Variants in FMN1 observed in about 807,000 individuals in gnomAD.
FMN1 encodes the protein formin 1.
A neutral mutation model predicts 132.4 loss-of-function variants in FMN1; 110 were observed. That is an observed-to-expected ratio of 0.83 (90% CI 0.71 to 0.97). The LOEUF (loss-of-function observed/expected upper bound fraction) is 0.97, where lower values mean the gene tolerates loss of function less well. Ranked by LOEUF, FMN1 falls within the 50% of genes least tolerant of loss-of-function variation. The pLI, the probability that FMN1 is intolerant of heterozygous loss-of-function variation, is 0.00. For synonymous variants in FMN1, 722 were observed against 651.7 expected (o/e 1.11, Z -1.64); for missense variants, 1,792 against 1,705.3 (o/e 1.05, Z -0.90).
intron 4 of FMN1, among the ~76,000 whole-genome samples, chr15:33,098,065 AT>A (rs1467901181): frequency 1.1e-4 from 17 of 152,248 alleles, no homozygotes; most frequent in African/African-American, 4.1e-4. Context: ...ATTGGCTACA[AT>A]GGAATTAAAT....
rs1246639927 is a variant in FMN1 at position 32,766,035 on chromosome 15, A to C, written c.*8275T>G. 6.6e-6 allele frequency: 1 copy of C among 152,212 alleles called. No homozygotes were observed. The highest frequency in any genetic ancestry group is 2.4e-5 in the African/African-American group (1 of 41,448). The allele number at this position is 152,212 out of a possible 1,614,324, so 9.4% of individuals were successfully genotyped here. ...AGCTTATTATGCTTAAAAATATCCC[A>C]AGAGCGTGTAAGGTTTCATGTCTTT... On this transcript the variant is annotated 3_prime_UTR_variant, in exon 21 of 21. Coordinates refer to ENST00000616417, the MANE Select transcript of FMN1 (RefSeq NM_001277313.2).
At chr15:32,797,755 T>TAA (rs899912741) in intron 19 of FMN1, among the ~76,000 whole-genome samples, 2 of 152,140 alleles carry the variant, frequency 1.3e-5, no homozygotes. Flanking sequence ...AGAAAATACT[T>TAA]AGAGACTAAT....
At position 32,770,548 on chromosome 15, in the gene FMN1, ATATTT is replaced by A. The variant is rs2056198884; in HGVS notation, c.*3757_*3761del. ...TACTGGAGGTGTTAATACCACCAACATATTTTATTCCTTCCTTCAGTTTTTCCAGT... is the reference window on the plus strand; with the variant it reads ...TACTGGAGGTGTTAATACCACCAACATATTCCTTCCTTCAGTTTTTCCAGT... On this transcript the variant is annotated 3_prime_UTR_variant, in exon 21 of 21. Transcript: ENST00000616417. 6.6e-6 allele frequency: 1 copy of A among 152,256 alleles called. No homozygotes were observed. The highest frequency in any genetic ancestry group is 2.4e-5 in the African/African-American group (1 of 41,468). 9.4% of individuals were successfully genotyped at this position (152,256 alleles called of 1,614,324 possible).
intron 9 of FMN1, among the ~76,000 whole-genome samples, chr15:32,942,741 T>A (rs1454948502): frequency 6.6e-6 from 1 of 152,168 alleles, no homozygotes; most frequent in Non-Finnish European, 1.5e-5. Flanking sequence ...AGGGTTTCCA[T>A]CTCCAGCACA....
At chr15:32,932,255 C>T (rs2061139479) in intron 9 of FMN1, among the ~76,000 whole-genome samples, 2 of 152,122 alleles carry the variant, frequency 1.3e-5, no homozygotes, top group African/African-American at 4.8e-5. Context: ...AAAAAATTAG[C>T]TGTGCATGGA....
chr15:33,011,376 A>G (rs1373875266), intron 6 of FMN1, among the ~76,000 whole-genome samples: 1 of 152,148 alleles, frequency 6.6e-6, no homozygotes, highest in East Asian at 1.9e-4. Flanking sequence ...ATGGAAAAAG[A>G]CAAAACTGGA....
chr15:32,912,100 C>T (rs1450522025), intron 10 of FMN1, among the ~76,000 whole-genome samples: 2 of 152,196 alleles, frequency 1.3e-5, no homozygotes, highest in Non-Finnish European at 1.5e-5. Context: ...AAAATGTTTA[C>T]ATGTTAACTA....
intron 17 of FMN1, 91 bp from the exon 18 acceptor site, chr15:32,804,423 AGGAGGT>A: frequency 4.5e-5 from 7 of 155,174 alleles, no homozygotes; most frequent in Non-Finnish European, 6.9e-5. Flanking sequence ...TCATTACCAC[AGGAGGT>A]CTGAATTCGG....
At chr15:32,832,513 C>T (rs1187836251) in intron 17 of FMN1, among the ~76,000 whole-genome samples, 1 of 152,124 alleles carries the variant, frequency 6.6e-6, no homozygotes, top group Non-Finnish European at 1.5e-5. Context: ...GGTGCGGTGG[C>T]TCACACCTGT....
rs757681267 is a variant in FMN1, at chr15:32,968,766, T to C, written c.2935A>G (p.Ser979Gly). Reference protein sequence around the residue: ...QCPRKPAIEPSCPMKPLYWTR... With the variant: ...QCPRKPAIEPGCPMKPLYWTR... ...CAATATAAAGGCTTCATGGGACAAC[T>C]GGGCTCGATGGCTGGTTTTCGAGGA... The change falls in exon 8 of 21, where the codon AGT becomes GGT. Residue 979 changes from serine (S) to glycine (G), a missense_variant. This residue lies in a region of FMN1 where 1,150 missense variants were observed against 1,043.1 expected (regional missense o/e 1.10). Coordinates refer to ENST00000616417, the MANE Select transcript of FMN1 (RefSeq NM_001277313.2). 2 of 1,605,992 alleles carry C rather than the reference T, an allele frequency of 1.2e-6. No individual in the cohort carries two copies. Among genetic ancestry groups the C allele is most frequent in the Admixed American group, 3.4e-5 (2 of 59,184 alleles).
intron 3 of FMN1, among the ~76,000 whole-genome samples, chr15:33,158,432 TATAAAAAAAAAG>T (rs1375929736): frequency 6.8e-6 from 1 of 146,610 alleles, no homozygotes; most frequent in African/African-American, 2.5e-5. Flanking sequence ...AAGCTACTAT[TATAAAAAAAAAG>T]AAAAAAAAAA....
At chr15:32,843,088 T>C (rs1011988208) in intron 17 of FMN1, among the ~76,000 whole-genome samples, 2 of 150,046 alleles carry the variant, frequency 1.3e-5, no homozygotes, top group African/African-American at 2.5e-5. Context: ...GATCACACCA[T>C]TGCACTCTAG....
At chr15:33,126,872 A>G (rs981494502) in intron 4 of FMN1, among the ~76,000 whole-genome samples, 1 of 152,214 alleles carries the variant, frequency 6.6e-6, no homozygotes, top group Non-Finnish European at 1.5e-5. Flanking sequence ...ACTGATACCC[A>G]TAAATAACTG....
chr15:32,807,383 CCAAT>C (rs2057718813), intron 17 of FMN1, among the ~76,000 whole-genome samples: 1 of 152,198 alleles, frequency 6.6e-6, no homozygotes, highest in South Asian at 2.1e-4. Flanking sequence ...TGGTACTTAG[CCAAT>C]CAGATACTGA....
chr15:33,091,451 G>C (rs1325625472), intron 4 of FMN1, among the ~76,000 whole-genome samples: 1 of 152,282 alleles, frequency 6.6e-6, no homozygotes, highest in Admixed American at 6.5e-5. Context: ...GTTTTAAAGA[G>C]TTAATTTCTG....
intron 3 of FMN1, among the ~76,000 whole-genome samples, chr15:33,179,409 C>T (rs1028910175): frequency 6.6e-5 from 10 of 152,108 alleles, no homozygotes; most frequent in African/African-American, 2.4e-4. Flanking sequence ...TATTTTTGCT[C>T]TTCCTTTTGC....
intron 5 of FMN1, among the ~76,000 whole-genome samples, chr15:33,073,741 T>C (rs967819252): frequency 4.6e-5 from 7 of 151,810 alleles, no homozygotes; most frequent in African/African-American, 1.7e-4. Flanking sequence ...TGTTTTTTTT[T>C]TTTTTTTGAG....
In FMN1 at chr15:33,008,067, C is replaced by G. The variant is rs746704055; in HGVS notation, c.2170G>C (p.Ala724Pro). The change falls in exon 7 of 21, where the codon GCT (alanine) becomes CCT (proline). Residue 724 changes from alanine (A) to proline (P), a missense_variant. This residue lies in a region of FMN1 where 1,150 missense variants were observed against 1,043.1 expected (regional missense o/e 1.10). Coordinates refer to ENST00000616417, the MANE Select transcript of FMN1 (RefSeq NM_001277313.2). ...GLKYTEAEYQ[A>P]AILHLKREHK... is the part of the protein sequence containing the mutation. The stretch of plus-strand genomic sequence containing the variant: ...TCCCTCTTCAAGTGTAAAATAGCAG[C>G]TTGGTATTCTGTAAAATCAAAAAAG... 6.3e-7 allele frequency: 1 copy of G among 1,594,700 alleles called. No homozygotes were observed.
At chr15:32,999,534 T>C (rs1445744647) in intron 7 of FMN1, among the ~76,000 whole-genome samples, 1 of 152,194 alleles carries the variant, frequency 6.6e-6, no homozygotes, top group Non-Finnish European at 1.5e-5. Context: ...CCTGGATCAT[T>C]TTGCAGTGGG....
Sources: allele counts gnomAD v4.1 joint callset (sites outside exome capture counted in the v4.1 genomes callset), GRCh38; gene constraint gnomAD v4.1.1; regional missense constraint gnomAD v4.1.1; transcripts MANE v1.5; gene names NCBI Gene and HGNC (gene_info 2026-07-23, HGNC 2026-07-21).